DMD: variants seen among roughly 807,000 people sequenced by gnomAD.
DMD encodes the protein dystrophin, also known as mutant dystrophin.
Under a neutral mutation model 330.1 loss-of-function variants are expected in DMD, and 63 were observed. The observed-to-expected ratio is 0.19, with a 90% CI of 0.16 to 0.24. DMD has a LOEUF of 0.24. Ranked by LOEUF, DMD falls within the 10% of genes least tolerant of loss-of-function variation. The pLI is 1.00. For synonymous variants in DMD, 1,223 were observed against 959.8 expected (o/e 1.27, Z -5.07); for missense variants, 3,344 against 2,684.1 (o/e 1.25, Z -5.43).
At chrX:32,972,580 T>C (rs73188358) in intron 2 of DMD, among the ~76,000 whole-genome samples, 10,423 of 111,804 alleles carry the variant, frequency 0.093, 851 homozygotes, top group African/African-American at 0.27. Flanking sequence ...TTGATCAACA[T>C]TTTTTATTTA....
At chrX:32,380,353 T>C (rs2097919708) in intron 34 of DMD, among the ~76,000 whole-genome samples, 157 bp downstream of exon 34, 4 of 111,978 alleles carry the variant, frequency 3.6e-5, no homozygotes, top group South Asian at 3.7e-4. Flanking sequence ...GGTTTTATCA[T>C]GGTCCTGAAA....
At chrX:33,278,285 T>C (rs112561399) in intron 1 of DMD, among the ~76,000 whole-genome samples, 2,549 of 111,242 alleles carry the variant, frequency 0.023, 90 homozygotes, top group African/African-American at 0.08. Context: ...ATCACCCAGG[T>C]AGTGAGCATA....
At chrX:32,959,290 T>G (rs1472310924) in intron 2 of DMD, among the ~76,000 whole-genome samples, 3 of 111,294 alleles carry the variant, frequency 2.7e-5, no homozygotes, top group Non-Finnish European at 5.7e-5. Flanking sequence ...AGGCACCTAA[T>G]TTGAATTTGG....
rs546377941 is a variant in DMD, at chrX:32,551,248, G to A, written c.1993-5914C>T. Among the ~76,000 whole-genome samples, 23 of 111,171 alleles carry A rather than the reference G, an allele frequency of 2.1e-4. No individual in the cohort carries two copies. The South Asian group carries it at 7.6e-3, about 37-fold the overall frequency. On this transcript the variant is annotated intron_variant, in intron 16 of 78. Coordinates refer to ENST00000357033, the MANE Select transcript of DMD (RefSeq NM_004006.3). ...TGCAAAAATAGTCAACAGAATACCAGCAAACCCAATCCAGCAGCACATCAA... is the reference window on the plus strand; with the variant it reads ...TGCAAAAATAGTCAACAGAATACCAACAAACCCAATCCAGCAGCACATCAA...
Position 32,310,283 on chromosome X carries a change from T to C in DMD, c.5923-7A>G, listed in dbSNP as rs769161854. ...TTTCTTCACGGACAGTGTGCTGGTA[T>C]AGATATACAAAAGAACAATTTTTTT... On this transcript the variant is annotated splice_region_variant and splice_polypyrimidine_tract_variant and intron_variant, in intron 41 of 78. Coordinates refer to ENST00000357033, the MANE Select transcript of DMD (RefSeq NM_004006.3). 8.3e-7 allele frequency: 1 copy of C among 1,203,445 alleles called. No individual in the cohort carries two copies. Among genetic ancestry groups the C allele is most frequent in the Non-Finnish European group, 1.1e-6 (1 of 889,120 alleles).
At chrX:31,248,848 C>G (rs2049074636) in intron 63 of DMD, among the ~76,000 whole-genome samples, 1 of 111,267 alleles carries the variant, frequency 9.0e-6, no homozygotes, top group African/African-American at 3.3e-5. Flanking sequence ...CTCCAGCTCC[C>G]TCGGAGCCCC....
At chrX:31,368,993 C>T (rs1048073469) in intron 60 of DMD, among the ~76,000 whole-genome samples, 1 of 111,556 alleles carries the variant, frequency 9.0e-6, no homozygotes, top group Non-Finnish European at 1.9e-5. Flanking sequence ...CACTACAAAG[C>T]CAGGTCTTAG....
At chrX:32,135,322 A>G (rs769956762) in intron 44 of DMD, among the ~76,000 whole-genome samples, 1 of 112,984 alleles carries the variant, frequency 8.9e-6, no homozygotes, top group African/African-American at 3.2e-5. Flanking sequence ...TTCTTAAAAC[A>G]GTAACAAAAG....
intron 37 of DMD, among the ~76,000 whole-genome samples, chrX:32,349,348 A>T (rs781528543): frequency 4.5e-5 from 5 of 111,492 alleles, no homozygotes; most frequent in Non-Finnish European, 9.5e-5. Context: ...TACTCTCTCA[A>T]TCTTTATGCT....
At chrX:31,616,082 T>G (rs1187321617) in intron 55 of DMD, among the ~76,000 whole-genome samples, 1 of 111,453 alleles carries the variant, frequency 9.0e-6, no homozygotes. Flanking sequence ...CTATGGTCAG[T>G]AAGCCCCAGA....
chrX:31,823,209 A>G (rs954456888), intron 49 of DMD, among the ~76,000 whole-genome samples: 2 of 112,604 alleles, frequency 1.8e-5, no homozygotes, highest in Non-Finnish European at 3.8e-5. Flanking sequence ...TTTGCTAAGA[A>G]TCCTTTGTTC....
intron 43 of DMD, among the ~76,000 whole-genome samples, chrX:32,275,480 G>C (rs183529272): frequency 5.7e-4 from 64 of 111,493 alleles, no homozygotes; most frequent in African/African-American, 2.1e-3. Flanking sequence ...AAATAAATCA[G>C]ACCAAAGATT....
intron 42 of DMD, among the ~76,000 whole-genome samples, chrX:32,288,922 A>G (rs1036718247): frequency 9.0e-6 from 1 of 111,399 alleles, no homozygotes; most frequent in South Asian, 3.8e-4. Context: ...ACTGCACCTC[A>G]GAAGAAACAA....
chrX:31,237,479 C>A (rs1330571502), intron 63 of DMD, among the ~76,000 whole-genome samples: 3 of 112,237 alleles, frequency 2.7e-5, no homozygotes, highest in Non-Finnish European at 5.6e-5. Flanking sequence ...TGAGATCCTG[C>A]TGAAGACACT....
At chrX:31,714,110 A>C (rs1189021779) in intron 52 of DMD, among the ~76,000 whole-genome samples, 3 of 111,491 alleles carry the variant, frequency 2.7e-5, no homozygotes, top group Non-Finnish European at 5.7e-5. Context: ...TCTATGTTTA[A>C]TTTGCTGCCA....
chrX:32,347,924 A>T (rs1259429774), intron 38 of DMD, among the ~76,000 whole-genome samples: 3 of 111,635 alleles, frequency 2.7e-5, no homozygotes, highest in African/African-American at 9.8e-5. Context: ...CATTTTAGAC[A>T]TATAATGTAC....
chrX:31,364,265 C>G, intron 60 of DMD, among the ~76,000 whole-genome samples: 1 of 112,332 alleles, frequency 8.9e-6, no homozygotes. Flanking sequence ...ATCAATCAAT[C>G]AATTCCACGA....
At chrX:32,470,778 G>A (rs180981559) in intron 22 of DMD, among the ~76,000 whole-genome samples, 53 of 111,425 alleles carry the variant, frequency 4.8e-4, no homozygotes, top group African/African-American at 1.5e-3. Context: ...AATGAAAGTT[G>A]TTTAAATGTA....
chrX:32,504,154 C>A (rs1472507484), intron 18 of DMD, among the ~76,000 whole-genome samples: 1 of 112,058 alleles, frequency 8.9e-6, no homozygotes. Context: ...AGGCATAAAC[C>A]TTACACCCTT....
Sources: allele counts gnomAD v4.1 joint callset (sites outside exome capture counted in the v4.1 genomes callset), GRCh38; gene constraint gnomAD v4.1.1; transcripts MANE v1.5; gene names NCBI Gene and HGNC (gene_info 2026-07-23, HGNC 2026-07-21).